The following PARG variants were observed in gnomAD, a reference collection of about 807,000 sequenced individuals.
PARG encodes poly(ADP-ribose) glycohydrolase.
PARG carries 35 observed loss-of-function variants against 113.0 expected under a neutral mutation model. The observed-to-expected ratio is 0.31, with a 90% CI of 0.24 to 0.41. PARG has a LOEUF of 0.41. Among genes scored for constraint, PARG ranks in the 10% least tolerant of loss-of-function variants. The pLI, the probability that PARG is intolerant of heterozygous loss-of-function variation, is 1.00. For missense variants in PARG, 797 were observed against 1,169.4 expected, an observed-to-expected ratio of 0.68 and a Z score of 4.64; for synonymous variants, 330 against 409.9, an observed-to-expected ratio of 0.81 and a Z score of 2.36.
rs560668258 is a variant in PARG at position 49,839,203 on chromosome 10, G to T, written c.2541+2747C>A. On this transcript the variant is annotated intron_variant, in intron 15 of 17. Transcript: ENST00000616448. Reference sequence around the variant, plus strand: ...AATAGAAAAATTAGCCTGGCGTGGTGGTGCATGCCTCTGGTCCCAGCTACT... The same window carrying T: ...AATAGAAAAATTAGCCTGGCGTGGTTGTGCATGCCTCTGGTCCCAGCTACT... Among the ~76,000 whole-genome samples, 50 of 152,156 alleles carry T rather than the reference G, an allele frequency of 3.3e-4. 1 individual carries two copies. The highest frequency in any genetic ancestry group is 9.9e-4 in the African/African-American group (41 of 41,526).
At chr10:49,895,154 G>C (rs1256389460) in intron 7 of PARG, among the ~76,000 whole-genome samples, 3 of 152,096 alleles carry the variant, frequency 2.0e-5, no homozygotes, top group Non-Finnish European at 2.9e-5. Flanking sequence ...GCCACATCCT[G>C]AGAGTCCAGG....
chr10:49,886,913 C>A (rs1847519681), intron 7 of PARG, among the ~76,000 whole-genome samples: 1 of 152,136 alleles, frequency 6.6e-6, no homozygotes, highest in Non-Finnish European at 1.5e-5. Context: ...ATCATATATT[C>A]ATAGATGACA....
chr10:49,865,861 A>G (rs1370418306), intron 10 of PARG, among the ~76,000 whole-genome samples: 1 of 151,370 alleles, frequency 6.6e-6, no homozygotes, highest in African/African-American at 2.4e-5. Context: ...TTTATGTACT[A>G]TATGGTAAAG....
At chr10:49,843,892 G>A (rs566798774) in intron 13 of PARG, among the ~76,000 whole-genome samples, 3 of 152,306 alleles carry the variant, frequency 2.0e-5, no homozygotes, top group Admixed American at 1.3e-4. Context: ...AGGCGCAGTG[G>A]CTCATGCCTG....
At chr10:49,899,802 T>C (rs1554843496) in intron 7 of PARG, among the ~76,000 whole-genome samples, 1 of 152,164 alleles carries the variant, frequency 6.6e-6, no homozygotes, top group African/African-American at 2.4e-5. Flanking sequence ...TGATTTGGTT[T>C]TCCTCTTTAA....
chr10:49,884,129 AC>A (rs1165942964), intron 8 of PARG, among the ~76,000 whole-genome samples: 4 of 151,414 alleles, frequency 2.6e-5, no homozygotes, highest in Non-Finnish European at 3.0e-5. Flanking sequence ...TGACATCCTC[AC>A]CGCAACCACG....
At position 49,923,090 on chromosome 10, in the gene PARG, TAAAC is replaced by T. The variant is rs372212290; in HGVS notation, c.1456-425_1456-422del. On this transcript the variant is annotated intron_variant, in intron 4 of 17. Coordinates refer to ENST00000616448, the MANE Select transcript of PARG (RefSeq NM_003631.5). The stretch of plus-strand genomic sequence containing the variant: ...AACACCATTCATTCCAAACAAATCT[TAAAC>T]AACACTTAAAATTCCTTAAACATAG... Among the ~76,000 whole-genome samples, 223 of 152,346 alleles carry T rather than the reference TAAAC, an allele frequency of 1.5e-3. 1 individual carries two copies. The highest frequency in any genetic ancestry group is 5.1e-3 in the African/African-American group (210 of 41,580).
intron 16 of PARG, among the ~76,000 whole-genome samples, chr10:49,827,146 C>T (rs549268408): frequency 6.6e-6 from 1 of 152,294 alleles, no homozygotes; most frequent in African/African-American, 2.4e-5. Flanking sequence ...GAGTAGTTAC[C>T]ACTGGAGTAG....
At chr10:49,919,623 A>T (rs1213429257) in intron 6 of PARG, among the ~76,000 whole-genome samples, 3 of 152,156 alleles carry the variant, frequency 2.0e-5, no homozygotes, top group Non-Finnish European at 4.4e-5. Context: ...GTTTGAGACC[A>T]GCATGGGTAA....
intron 7 of PARG, among the ~76,000 whole-genome samples, chr10:49,905,291 A>G (rs1299628286): frequency 6.6e-6 from 1 of 152,288 alleles, no homozygotes; most frequent in Non-Finnish European, 1.5e-5. Context: ...TTGGAATCCT[A>G]GAGTAATAAG....
At chr10:49,919,771 C>T (rs1299652475) in intron 6 of PARG, among the ~76,000 whole-genome samples, 1 of 152,150 alleles carries the variant, frequency 6.6e-6, no homozygotes. Context: ...TTTCCAGCTA[C>T]TCAGGAGGCT....
chr10:49,894,799 C>T (rs1847994825), intron 7 of PARG, among the ~76,000 whole-genome samples: 1 of 152,146 alleles, frequency 6.6e-6, no homozygotes, highest in South Asian at 2.1e-4. Flanking sequence ...GAACCACAAA[C>T]CAGGCAGCTT....
intron 7 of PARG, among the ~76,000 whole-genome samples, chr10:49,905,032 A>G (rs1470922747): frequency 6.6e-6 from 1 of 152,258 alleles, no homozygotes; most frequent in Non-Finnish European, 1.5e-5. Flanking sequence ...GGACAAGGCC[A>G]GAAAAGAAAC....
chr10:49,901,278 T>G (rs1554843732), intron 7 of PARG, among the ~76,000 whole-genome samples: 1 of 151,716 alleles, frequency 6.6e-6, no homozygotes, highest in Admixed American at 6.6e-5. Flanking sequence ...ACCCAGCTAA[T>G]TTTTAAAAAA....
intron 9 of PARG, among the ~76,000 whole-genome samples, chr10:49,879,136 T>C (rs1439466365): frequency 6.6e-6 from 1 of 152,132 alleles, no homozygotes; most frequent in African/African-American, 2.4e-5. Flanking sequence ...TTTAAAAATA[T>C]TACACTGATA....
chr10:49,929,741 G>A (rs1838395075), intron 4 of PARG, among the ~76,000 whole-genome samples: 1 of 151,276 alleles, frequency 6.6e-6, no homozygotes, highest in Admixed American at 6.6e-5. Context: ...CAGGAGAATT[G>A]CTTGAACCCG....
chr10:49,865,727 T>C (rs1846480245), intron 10 of PARG, among the ~76,000 whole-genome samples: 5 of 150,300 alleles, frequency 3.3e-5, no homozygotes, highest in Non-Finnish European at 1.5e-5. Flanking sequence ...AAAAAAGCAT[T>C]GAAAAAAAGG....
chr10:49,885,286 C>G lies in PARG; in HGVS notation c.1747G>C (p.Glu583Gln). The G allele has an allele frequency of 6.2e-7, 1 of 1,601,904 alleles. No homozygotes were observed. The highest frequency in any genetic ancestry group is 8.5e-7 in the Non-Finnish European group (1 of 1,170,676). ...LIDFWDKVLE[E>Q]AEAQHLYQSI... The stretch of plus-strand genomic sequence containing the variant: ...TGATATAAATGTTGAGCTTCTGCTT[C>G]TTCAAGTACCTGAAAACCAATAAAA... The change falls in exon 8 of 18, where the codon GAA becomes CAA. Residue 583 changes from glutamate (E) to glutamine (Q), a missense_variant. Coordinates refer to ENST00000616448, the MANE Select transcript of PARG (RefSeq NM_003631.5).
At chr10:49,823,354 A>T (rs1844199256) in intron 16 of PARG, among the ~76,000 whole-genome samples, 2 of 152,190 alleles carry the variant, frequency 1.3e-5, no homozygotes, top group Non-Finnish European at 2.9e-5. Flanking sequence ...GTAAAATTTG[A>T]TATCGTTGAG....
Sources: allele counts gnomAD v4.1 joint callset (sites outside exome capture counted in the v4.1 genomes callset), GRCh38; gene constraint gnomAD v4.1.1; transcripts MANE v1.5; gene names NCBI Gene and HGNC (gene_info 2026-07-23, HGNC 2026-07-21).